The following CCDC141 variants were observed in gnomAD, a reference collection of about 807,000 sequenced individuals.
CCDC141 encodes coiled-coil domain-containing protein 141.
Under a neutral mutation model 181.0 loss-of-function variants are expected in CCDC141, and 168 were observed. That is an observed-to-expected ratio of 0.93 (90% confidence interval 0.82 to 1.05). The LOEUF (loss-of-function observed/expected upper bound fraction) is 1.05, where lower values mean the gene tolerates loss of function less well. Among genes scored for constraint, CCDC141 ranks in the 50% least tolerant of loss-of-function variants. CCDC141 has a pLI of 0.00. For missense variants in CCDC141, 1,902 were observed against 1,788.5 expected (o/e 1.06, Z -1.14); for synonymous variants, 666 against 642.3 (o/e 1.04, Z -0.56).
chr2:178,977,564 GT>G (rs1458628889), intron 3 of CCDC141, among the ~76,000 whole-genome samples: 1 of 152,076 alleles, frequency 6.6e-6, no homozygotes, highest in Admixed American at 6.6e-5. Flanking sequence ...TTATAATAAG[GT>G]TTTTATTCCT....
chr2:178,888,720 G>A, intron 8 of CCDC141, 52 bp from the exon 9 acceptor site: 1 of 1,539,696 alleles, frequency 6.5e-7, no homozygotes, highest in East Asian at 2.5e-5. Context: ...ATAGAACACA[G>A]AATATTTGAA....
At chr2:178,993,583 T>G (rs1341680990) in intron 2 of CCDC141, among the ~76,000 whole-genome samples, 1 of 152,140 alleles carries the variant, frequency 6.6e-6, no homozygotes, top group East Asian at 1.9e-4. Context: ...CCAAACCATA[T>G]TATTCCACTT....
chr2:179,010,482 TG>T (rs1472075143), intron 2 of CCDC141, among the ~76,000 whole-genome samples: 2 of 152,164 alleles, frequency 1.3e-5, no homozygotes, highest in Admixed American at 1.3e-4. Flanking sequence ...TAGGAGGGAT[TG>T]GGGTCCTGTC....
intron 6 of CCDC141, among the ~76,000 whole-genome samples, chr2:178,940,708 T>TTA (rs1314524671): frequency 2.6e-5 from 4 of 152,182 alleles, no homozygotes; most frequent in African/African-American, 9.6e-5. Context: ...CGTAAAAGAC[T>TTA]TACTACACAG....
Position 178,869,177 on chromosome 2 carries a change from T to C in CCDC141, c.2334A>G (p.Arg778=). Residue 778 remains arginine, a synonymous_variant, in exon 15 of 24, where the codon AGA becomes AGG. Transcript: ENST00000443758. ...LIHFHQKQKE[R]IQDYEDILYK... ...ACAGGATATCCTCGTAATCCTGGAT[T>C]CTCTCTTTCTGTTTTTGATGGAAGT... 1 of 1,613,556 alleles carries C rather than the reference T, an allele frequency of 6.2e-7. No homozygotes were observed. The highest frequency in any genetic ancestry group is 8.5e-7 in the Non-Finnish European group (1 of 1,179,760).
Position 178,834,189 on chromosome 2 carries a change from C to T in CCDC141, c.4577G>A (p.Trp1526Ter). The T allele has an allele frequency of 6.5e-7, 1 of 1,536,036 alleles. No homozygotes were observed. The highest frequency in any genetic ancestry group is 1.4e-5 in the African/African-American group (1 of 73,120). ...ACACCACAGTTATTGTGTGAGGAGC[C>T]AGTACATTAGGGACACACTAACATA... is the stretch of plus-strand genomic sequence containing the variant. ...VVYVSVSLMY[W>*]LLTQ Residue 1526 changes from tryptophan to a stop codon, truncating the protein, a stop_gained, in exon 24 of 24, where the codon TGG becomes TAG. Coordinates refer to ENST00000443758, the MANE Select transcript of CCDC141 (RefSeq NM_173648.4). LOFTEE classifies it high-confidence loss of function.
the CCDC141 span, among the ~76,000 whole-genome samples, chr2:178,816,382 TTC>T: frequency 6.6e-6 from 1 of 152,234 alleles, no homozygotes; most frequent in Non-Finnish European, 1.5e-5. Context: ...AGTCGTGTAC[TTC>T]TTATTGCCTA....
Position 178,853,579 on chromosome 2 carries a change from C to T in CCDC141, c.3106G>A (p.Gly1036Arg), listed in dbSNP as rs773694717. The change falls in exon 20 of 24, where the codon GGA (glycine) becomes AGA (arginine). Residue 1036 changes from glycine (G) to arginine (R), a missense_variant. Coordinates refer to ENST00000443758, the MANE Select transcript of CCDC141 (RefSeq NM_173648.4). ...GTCTTGCACTCTGTGGAATATTTTC[C>T]AACTCTTACAACTGTGGCACTTGCA... The part of the protein sequence containing the change: ...EDASATVVRV[G>R]KYSTECKTKE... The T allele has an allele frequency of 1.4e-5, 22 of 1,613,714 alleles. No individual in the cohort carries two copies. The highest frequency in any genetic ancestry group is 1.7e-5 in the Non-Finnish European group (20 of 1,179,890).
At chr2:178,852,561 C>T (rs961188315) in intron 20 of CCDC141, among the ~76,000 whole-genome samples, 6 of 152,050 alleles carry the variant, frequency 3.9e-5, no homozygotes, top group African/African-American at 1.4e-4. Context: ...ATGAATAATT[C>T]ATTCTCAACA....
rs144831188 is a variant in CCDC141, at chr2:178,900,577, G to A, written c.1265+4752C>T. On this transcript the variant is annotated intron_variant, in intron 8 of 23. Transcript: ENST00000443758. ...TTGGCACATAAAGAAGCAAATAAACGTATCAGCCATTACAAAATGGATGGC... is the reference window on the plus strand; with the variant it reads ...TTGGCACATAAAGAAGCAAATAAACATATCAGCCATTACAAAATGGATGGC... Among the ~76,000 whole-genome samples, 295 of 152,166 alleles carry A rather than the reference G, an allele frequency of 1.9e-3. 6 individuals are homozygous for A. The South Asian group carries it at 0.022, about 11-fold the overall frequency.
At chr2:178,889,382 A>G (rs753465243) in intron 8 of CCDC141, among the ~76,000 whole-genome samples, 13 of 152,164 alleles carry the variant, frequency 8.5e-5, no homozygotes, top group Non-Finnish European at 1.8e-4. Flanking sequence ...GTTTCCTCAT[A>G]TTGTTGATGG....
At chr2:179,015,742 T>G (rs2042504170) in intron 2 of CCDC141, among the ~76,000 whole-genome samples, 1 of 138,048 alleles carries the variant, frequency 7.2e-6, no homozygotes, top group Non-Finnish European at 1.6e-5. Context: ...CATATATATA[T>G]CTTATATATA....
At chr2:179,001,490 A>G (rs1314851072) in intron 2 of CCDC141, among the ~76,000 whole-genome samples, 2 of 152,164 alleles carry the variant, frequency 1.3e-5, no homozygotes, top group African/African-American at 4.8e-5. Flanking sequence ...TGGTTGCAGC[A>G]TTTGTGGAAG....
At position 178,865,776 on chromosome 2, in the gene CCDC141, C is replaced by A; in HGVS notation, c.2715G>T (p.Glu905Asp). Residue 905 changes from glutamate to aspartate, a missense_variant, in exon 17 of 24, where the codon GAG becomes GAT. Physicochemically the swap from Glu to Asp is conservative, Grantham distance 45. Coordinates refer to ENST00000443758, the MANE Select transcript of CCDC141 (RefSeq NM_173648.4). Reference protein sequence around the residue: ...RSVEYCAMRDEINELKDSFKD... With the variant: ...RSVEYCAMRDDINELKDSFKD... ...CCCCTCCCACACCCACCTCATTTATCTCGTCTCTCATGGCGCAGTACTCCA... is the reference window on the plus strand; with the variant it reads ...CCCCTCCCACACCCACCTCATTTATATCGTCTCTCATGGCGCAGTACTCCA... The A allele has an allele frequency of 6.5e-7, 1 of 1,541,332 alleles. No homozygotes were observed. The highest frequency in any genetic ancestry group is 8.7e-7 in the Non-Finnish European group (1 of 1,145,620).
Position 179,049,971 on chromosome 2 carries a change from G to C in CCDC141, c.-30C>G. On this transcript the variant is annotated 5_prime_UTR_variant, in exon 1 of 24. Transcript: ENST00000443758. ...CTTTAGAACCAGAGTTTATACTTTG[G>C]GCAGCCTCTGGACAGTTGTGTGTCT... 1.3e-6 allele frequency: 2 copies of C among 1,550,070 alleles called. No individual in the cohort carries two copies. The highest frequency in any genetic ancestry group is 1.7e-6 in the Non-Finnish European group (2 of 1,146,702).
At chr2:179,032,001 A>G (rs1007291031) in intron 2 of CCDC141, among the ~76,000 whole-genome samples, 14 of 152,290 alleles carry the variant, frequency 9.2e-5, no homozygotes, top group African/African-American at 3.1e-4. Context: ...TTTAAAAAAA[A>G]TCACAGAACC....
intron 6 of CCDC141, among the ~76,000 whole-genome samples, chr2:178,933,986 C>T (rs1442099691): frequency 6.6e-6 from 1 of 152,046 alleles, no homozygotes; most frequent in Non-Finnish European, 1.5e-5. Flanking sequence ...AACAGGAAAT[C>T]TAGATTTCTT....
At chr2:178,905,634 A>G (rs540673477) in intron 7 of CCDC141, 133 bp from the exon 8 acceptor site, 3 of 876,064 alleles carry the variant, frequency 3.4e-6, no homozygotes, top group Admixed American at 6.3e-5. Context: ...CAACCATCTT[A>G]ATCTTGGAAG....
intron 4 of CCDC141, among the ~76,000 whole-genome samples, chr2:178,966,451 C>T (rs952664660): frequency 6.6e-6 from 1 of 152,130 alleles, no homozygotes; most frequent in African/African-American, 2.4e-5. Flanking sequence ...GTTCTGCAGC[C>T]TCCACTGGTG....
Sources: gnomAD v4.1 joint callset for allele counts (sites outside exome capture counted in the v4.1 genomes callset) on GRCh38, gnomAD v4.1.1 for gene constraint, MANE v1.5 for transcripts, NCBI Gene and HGNC (gene_info 2026-07-23, HGNC 2026-07-21) for gene names.